The following MYPN variants were observed in gnomAD, a reference collection of about 807,000 sequenced individuals.
MYPN encodes sarcomeric protein myopalladin, 145 kDa (MYOP).
In MYPN, 63 loss-of-function variants were observed where a neutral mutation model predicts 129.4. The observed-to-expected ratio is 0.49, with a 90% CI of 0.40 to 0.60. MYPN has a LOEUF of 0.60. MYPN is among the 20% of genes least tolerant of loss of function. The pLI is 0.00. For missense variants in MYPN, 1,596 were observed against 1,635.4 expected (o/e 0.98, Z 0.42); for synonymous variants, 629 against 600.9 (o/e 1.05, Z -0.68).
intron 12 of MYPN, among the ~76,000 whole-genome samples, chr10:68,187,351 T>C (rs780030246): frequency 6.6e-6 from 1 of 151,662 alleles, no homozygotes; most frequent in African/African-American, 2.4e-5. Flanking sequence ...TTCATAGAAA[T>C]TTGACAGGGA....
At chr10:68,108,500 C>A (rs111434345), upstream of MYPN, among the ~76,000 whole-genome samples, 1 of 152,086 alleles carries the variant, frequency 6.6e-6, no homozygotes, top group Non-Finnish European at 1.5e-5. Flanking sequence ...GGAAGAAACC[C>A]TATAAGCAGT....
chr10:68,091,832 CT>C (rs545336787), intron 1 of MYPN, among the ~76,000 whole-genome samples: 3,460 of 146,690 alleles, frequency 0.024, 61 homozygotes, highest in Non-Finnish European at 0.036. Flanking sequence ...TTTATTAGAA[CT>C]TTTTTTTTTA....
chr10:68,171,081 A>C (rs144653765), intron 10 of MYPN, among the ~76,000 whole-genome samples: 1,542 of 149,710 alleles, frequency 0.01, 13 homozygotes, highest in South Asian at 0.015. Flanking sequence ...TCTAGGAGGC[A>C]GAGGTTGCAG....
intron 1 of MYPN, among the ~76,000 whole-genome samples, chr10:68,098,885 G>A (rs2041969591): frequency 6.6e-6 from 1 of 152,224 alleles, no homozygotes; most frequent in African/African-American, 2.4e-5. Context: ...TTTATTTTAT[G>A]AGATTTCCCA....
Position 68,210,451 on chromosome 10 carries a change from T to C in MYPN, c.3959T>C (p.Leu1320Pro), listed in dbSNP as rs200646285. The C allele has an allele frequency of 1.4e-5, 23 of 1,614,040 alleles. No homozygotes were observed. Among genetic ancestry groups the C allele is most frequent in the Admixed American group, 5.0e-5 (3 of 60,018 alleles). Residue 1320 changes from leucine (L) to proline (P), a missense_variant, in exon 20 of 20, where the codon CTT becomes CCT. Coordinates refer to ENST00000358913, the MANE Select transcript of MYPN (RefSeq NM_032578.4). ...SSRSVVESDE[L>P] ...CGGAGTGTAGTGGAGAGTGATGAAC[T>C]TTAAGAATGTCTAGGTACCTGCTGT...
chr10:68,095,229 G>C (rs932029225), intron 1 of MYPN, among the ~76,000 whole-genome samples: 10 of 151,690 alleles, frequency 6.6e-5, no homozygotes, highest in African/African-American at 2.4e-4. Flanking sequence ...ACATATCTGT[G>C]GTCCCAGCTA....
At chr10:68,108,698 A>C (rs762528067), upstream of MYPN, among the ~76,000 whole-genome samples, 1 of 151,838 alleles carries the variant, frequency 6.6e-6, no homozygotes, top group Non-Finnish European at 1.5e-5. Context: ...AACTTTTTTC[A>C]AGTTTATTTA....
chr10:68,176,177 T>C (rs1347611767), intron 12 of MYPN, among the ~76,000 whole-genome samples: 2 of 152,182 alleles, frequency 1.3e-5, no homozygotes, highest in African/African-American at 4.8e-5. Context: ...TTAGGCAACA[T>C]CCTGTTGTTC....
chr10:68,142,940 G>A lies in MYPN; in HGVS notation c.903G>A (p.Arg301=). The change falls in exon 3 of 20, where the codon AGG becomes AGA. Residue 301 remains arginine (R), a splice_region_variant and synonymous_variant. Coordinates refer to ENST00000358913, the MANE Select transcript of MYPN (RefSeq NM_032578.4). ...AATGACCATATCCTTTTCCCTGCAG[G>A]TGGTACTGTGAAGGCAAGGAGCTTG... The part of the protein sequence containing the change: ...IVVGIPPPQV[R]WYCEGKELEN... 6.2e-7 allele frequency: 1 copy of A among 1,614,064 alleles called. No individual in the cohort carries two copies. The highest frequency in any genetic ancestry group is 8.5e-7 in the Non-Finnish European group (1 of 1,179,958).
Position 68,210,314 on chromosome 10 carries a change from C to T in MYPN, c.3822C>T (p.Pro1274=), listed in dbSNP as rs1473028455. 1.9e-6 allele frequency: 3 copies of T among 1,613,900 alleles called. No individual in the cohort carries two copies. The change falls in exon 20 of 20, where the codon CCC becomes CCT. Residue 1274 remains proline, a synonymous_variant. Transcript: ENST00000358913. The part of the protein sequence containing the change: ...YAQWHHQIPP[P]MSVRPSGSRY... ...AGTGGCACCATCAGATCCCACCGCCCATGTCTGTCCGGCCCAGTGGCAGTC... is the reference window on the plus strand; with the variant it reads ...AGTGGCACCATCAGATCCCACCGCCTATGTCTGTCCGGCCCAGTGGCAGTC...
intron 2 of MYPN, among the ~76,000 whole-genome samples, chr10:68,126,380 G>T (rs2042326242): frequency 6.6e-6 from 1 of 152,102 alleles, no homozygotes; most frequent in African/African-American, 2.4e-5. Flanking sequence ...GTTCAGACTT[G>T]GTTTCAAAAC....
intron 10 of MYPN, among the ~76,000 whole-genome samples, chr10:68,169,341 G>C (rs1041207149): frequency 1.4e-5 from 2 of 146,560 alleles, no homozygotes; most frequent in Non-Finnish European, 3.0e-5. Context: ...CTGGGCAACA[G>C]AGTGAGACTC....
At chr10:68,163,397 C>T (rs144415949) in intron 8 of MYPN, among the ~76,000 whole-genome samples, 2 of 151,942 alleles carry the variant, frequency 1.3e-5, no homozygotes, top group Non-Finnish European at 2.9e-5. Flanking sequence ...GAGGCCGAGG[C>T]GGGTGGATCA....
intron 18 of MYPN, among the ~76,000 whole-genome samples, chr10:68,203,689 GCA>G (rs372251488): frequency 0.26 from 13,706 of 52,330 alleles, 1,551 homozygotes; most frequent in African/African-American, 0.37. Flanking sequence ...AAACGCGCAC[GCA>G]CACACACACA....
intron 18 of MYPN, among the ~76,000 whole-genome samples, chr10:68,203,409 C>A (rs2043751180): frequency 6.7e-6 from 1 of 150,194 alleles, no homozygotes; most frequent in South Asian, 2.1e-4. Context: ...GGCAACATAG[C>A]AAGACCCCAT....
upstream of MYPN, chr10:68,106,731 A>T (rs1471820265): frequency 2.8e-6 from 2 of 717,298 alleles, no homozygotes; most frequent in Admixed American, 2.0e-5. Flanking sequence ...TCCCATGCTT[A>T]CCGTCCAAGT....
At chr10:68,149,903 G>A (rs1489582295) in intron 5 of MYPN, 137 bp from the exon 6 acceptor site, 1 of 769,314 alleles carries the variant, frequency 1.3e-6, no homozygotes. Context: ...TGAAGTCTGT[G>A]ATTCATAAAC....
intron 1 of MYPN, among the ~76,000 whole-genome samples, chr10:68,113,966 C>T (rs966975252): frequency 6.6e-6 from 1 of 152,164 alleles, no homozygotes; most frequent in Admixed American, 6.5e-5. Flanking sequence ...CTATAGTCCC[C>T]ATGCTGTACA....
chr10:68,092,958 C>A (rs2041937691), intron 1 of MYPN, among the ~76,000 whole-genome samples: 1 of 152,168 alleles, frequency 6.6e-6, no homozygotes, highest in African/African-American at 2.4e-5. Flanking sequence ...AACTTGTGAG[C>A]AAGACCCCTG....
Sources: allele counts gnomAD v4.1 joint callset (sites outside exome capture counted in the v4.1 genomes callset), GRCh38; gene constraint gnomAD v4.1.1; transcripts MANE v1.5; gene names NCBI Gene and HGNC (gene_info 2026-07-23, HGNC 2026-07-21).